CLSTN2: variants seen among roughly 807,000 people sequenced by gnomAD.
CLSTN2 encodes the protein calsyntenin 2.
CLSTN2 carries 48 observed loss-of-function variants against 101.2 expected under a neutral mutation model. The observed-to-expected ratio is 0.47, with a 90% CI of 0.38 to 0.60. CLSTN2 has a LOEUF of 0.60. Ranked by LOEUF, CLSTN2 falls within the 20% of genes least tolerant of loss-of-function variation. The pLI, the probability that CLSTN2 is intolerant of heterozygous loss-of-function variation, is 0.00. For synonymous variants in CLSTN2, 481 were observed against 463.6 expected, an observed-to-expected ratio of 1.04 and a Z score of -0.48; for missense variants, 1,160 against 1,238.2, an observed-to-expected ratio of 0.94 and a Z score of 0.95.
chr3:140,205,210 A>G (rs1304681247), intron 2 of CLSTN2, among the ~76,000 whole-genome samples: 2 of 152,158 alleles, frequency 1.3e-5, no homozygotes, highest in African/African-American at 4.8e-5. Context: ...GGATTTAACT[A>G]CCAAATCCTA....
rs749916748 is a variant in CLSTN2, at chr3:140,363,960, G to C, written c.233-39669G>C. On this transcript the variant is annotated intron_variant, in intron 2 of 16. Transcript: ENST00000458420. Reference sequence around the variant, plus strand: ...TTCTCTCATTCGCAAACCAAGAGGTGATAAGTTACAGGATGCAGCACCACT... The same window carrying C: ...TTCTCTCATTCGCAAACCAAGAGGTCATAAGTTACAGGATGCAGCACCACT... Among the ~76,000 whole-genome samples, 39 of 152,208 alleles carry C rather than the reference G, an allele frequency of 2.6e-4. 1 individual carries two copies. Among genetic ancestry groups the C allele is most frequent in the Non-Finnish European group, 1.0e-4 (7 of 68,038 alleles).
intron 1 of CLSTN2, among the ~76,000 whole-genome samples, chr3:140,017,781 G>A (rs1206522697): frequency 6.6e-6 from 1 of 152,224 alleles, no homozygotes; most frequent in African/African-American, 2.4e-5. Flanking sequence ...TCCCGCACAA[G>A]CAAAAGCTGG....
At chr3:140,188,071 G>A (rs923454272) in intron 2 of CLSTN2, among the ~76,000 whole-genome samples, 8 of 152,168 alleles carry the variant, frequency 5.3e-5, no homozygotes, top group African/African-American at 1.7e-4. Flanking sequence ...TTGTGAGCCT[G>A]CCTTCTCACT....
intron 12 of CLSTN2, among the ~76,000 whole-genome samples, chr3:140,561,343 C>T (rs557169709): frequency 5.3e-5 from 8 of 152,214 alleles, no homozygotes; most frequent in South Asian, 4.2e-4. Context: ...AAATACCAGT[C>T]GCCTTCTTAA....
chr3:140,437,885 T>A (rs2088704355), intron 5 of CLSTN2, among the ~76,000 whole-genome samples: 1 of 152,246 alleles, frequency 6.6e-6, no homozygotes, highest in South Asian at 2.1e-4. Context: ...TTTTCTTCTT[T>A]CAATACATAG....
chr3:140,380,318 G>GCCCTGTTC (rs2087965765), intron 2 of CLSTN2, among the ~76,000 whole-genome samples: 1 of 152,156 alleles, frequency 6.6e-6, no homozygotes, highest in African/African-American at 2.4e-5. Flanking sequence ...CTATGGGTTA[G>GCCCTGTTC]CCCTGTTCCC....
At chr3:140,127,035 C>A (rs936986461) in intron 1 of CLSTN2, among the ~76,000 whole-genome samples, 2 of 151,856 alleles carry the variant, frequency 1.3e-5, no homozygotes, top group Non-Finnish European at 2.9e-5. Context: ...ATATATATAT[C>A]ATGTGTCATT....
intron 9 of CLSTN2, among the ~76,000 whole-genome samples, chr3:140,539,098 C>T (rs1363605281): frequency 6.6e-6 from 1 of 152,180 alleles, no homozygotes; most frequent in Admixed American, 6.5e-5. Context: ...AGATCCTCTC[C>T]TCTGCCTTCC....
At chr3:140,384,737 C>G (rs2088031924) in intron 2 of CLSTN2, among the ~76,000 whole-genome samples, 1 of 152,210 alleles carries the variant, frequency 6.6e-6, no homozygotes, top group African/African-American at 2.4e-5. Context: ...AGTCCATATA[C>G]TCCTGTAGTA....
intron 1 of CLSTN2, among the ~76,000 whole-genome samples, chr3:140,082,393 G>T (rs995376052): frequency 2.0e-5 from 3 of 152,114 alleles, no homozygotes; most frequent in African/African-American, 4.8e-5. Flanking sequence ...GAAATTGCGG[G>T]ATGGGCCATC....
At chr3:140,005,620 C>T (rs541384395) in intron 1 of CLSTN2, among the ~76,000 whole-genome samples, 21 of 152,238 alleles carry the variant, frequency 1.4e-4, no homozygotes, top group African/African-American at 3.9e-4. Flanking sequence ...AAATTCCCAC[C>T]GTTGAACAGC....
chr3:140,167,178 G>A (rs2010147967), intron 1 of CLSTN2, among the ~76,000 whole-genome samples: 1 of 152,228 alleles, frequency 6.6e-6, no homozygotes, highest in Non-Finnish European at 1.5e-5. Context: ...ACTGGGTAAT[G>A]TGAATGCCGT....
At chr3:140,287,158 A>C (rs1019140202) in intron 2 of CLSTN2, among the ~76,000 whole-genome samples, 4 of 152,212 alleles carry the variant, frequency 2.6e-5, no homozygotes. Context: ...GGATGCCTGA[A>C]TAACTTGAAA....
intron 2 of CLSTN2, among the ~76,000 whole-genome samples, chr3:140,247,056 T>A (rs1255426253): frequency 6.6e-6 from 1 of 152,202 alleles, no homozygotes; most frequent in Admixed American, 6.5e-5. Flanking sequence ...GATGGGTTTA[T>A]GAAGTCTCCT....
chr3:139,973,669 C>T (rs1935760758), intron 1 of CLSTN2, among the ~76,000 whole-genome samples: 1 of 152,122 alleles, frequency 6.6e-6, no homozygotes, highest in South Asian at 2.1e-4. Flanking sequence ...GACAGGGTCT[C>T]TTTCTGTCAC....
chr3:140,424,841 G>A (rs998281702), intron 5 of CLSTN2, among the ~76,000 whole-genome samples: 1 of 152,130 alleles, frequency 6.6e-6, no homozygotes. Flanking sequence ...GGCTGTGACT[G>A]GAGAGATGTG....
At chr3:140,373,317 C>T (rs973246651) in intron 2 of CLSTN2, among the ~76,000 whole-genome samples, 1 of 152,208 alleles carries the variant, frequency 6.6e-6, no homozygotes, top group Non-Finnish European at 1.5e-5. Flanking sequence ...TTAGGAGAAG[C>T]TGAGATCAGC....
chr3:140,322,794 A>G (rs1441085638), intron 2 of CLSTN2, among the ~76,000 whole-genome samples: 1 of 152,236 alleles, frequency 6.6e-6, no homozygotes, highest in African/African-American at 2.4e-5. Context: ...TGAGATAATC[A>G]GTGAATCAAA....
chr3:140,031,911 C>T (rs2007558526), intron 1 of CLSTN2, among the ~76,000 whole-genome samples: 1 of 152,178 alleles, frequency 6.6e-6, no homozygotes, highest in Non-Finnish European at 1.5e-5. Flanking sequence ...TTGGGGAAGT[C>T]ATTTGTCTTT....
Sources: allele counts gnomAD v4.1 joint callset (sites outside exome capture counted in the v4.1 genomes callset), GRCh38; gene constraint gnomAD v4.1.1; transcripts MANE v1.5; gene names NCBI Gene and HGNC (gene_info 2026-07-23, HGNC 2026-07-21).